The following NRXN1 variants were observed in gnomAD, a reference collection of about 807,000 sequenced individuals.
NRXN1 encodes neurexin 1.
A neutral mutation model predicts 150.9 loss-of-function variants in NRXN1; 39 were observed. The observed-to-expected ratio is 0.26, with a 90% CI of 0.20 to 0.34. The LOEUF (loss-of-function observed/expected upper bound fraction) is 0.34, where lower values mean the gene tolerates loss of function less well. Among genes scored for constraint, NRXN1 ranks in the 10% least tolerant of loss-of-function variants. The probability of loss-of-function intolerance (pLI) is 1.00; values close to 1 mark genes in which losing one functional copy is unlikely to be tolerated. For synonymous variants in NRXN1, 924 were observed against 757.0 expected, an observed-to-expected ratio of 1.22 and a Z score of -3.62; for missense variants, 1,815 against 1,949.9, an observed-to-expected ratio of 0.93 and a Z score of 1.30.
chr2:50,497,747 G>A, intron 13 of NRXN1, 33 bp from the exon 14 acceptor site: 1 of 1,551,286 alleles, frequency 6.4e-7, no homozygotes, highest in East Asian at 2.3e-5. Flanking sequence ...ATTATTTTCT[G>A]TATCTGAAAG....
rs533904901 is a variant in NRXN1, at chr2:50,420,145, T to C, written c.3364+45297A>G. Among the ~76,000 whole-genome samples the C allele has an allele frequency of 4.6e-5, 7 of 152,002 alleles. No homozygotes were observed. The South Asian group carries it at 1.5e-3, about 32-fold the overall frequency. On this transcript the variant is annotated intron_variant, in intron 17 of 22. Coordinates refer to ENST00000401669, the MANE Select transcript of NRXN1 (RefSeq NM_001330078.2). ...ATGGAACAGATTAAGAGAATTAACA[T>C]GGAGAGGAGAGCAGAGGTATAAAAG...
At chr2:50,214,766 T>C (rs867798207) in intron 18 of NRXN1, among the ~76,000 whole-genome samples, 11 of 152,034 alleles carry the variant, frequency 7.2e-5, no homozygotes, top group African/African-American at 2.7e-4. Flanking sequence ...ACTGCTTTCT[T>C]GTATGATTTT....
intron 5 of NRXN1, among the ~76,000 whole-genome samples, chr2:50,911,674 T>C (rs1307028636): frequency 8.6e-5 from 13 of 151,858 alleles, no homozygotes; most frequent in Admixed American, 5.9e-4. Flanking sequence ...GTTTAGCTTT[T>C]CCTTGTCTGG....
intron 2 of NRXN1, among the ~76,000 whole-genome samples, chr2:50,976,510 C>A (rs1695868038): frequency 6.6e-6 from 1 of 151,900 alleles, no homozygotes. Context: ...TGAAAAGGCA[C>A]ACAACTTAAA....
chr2:50,560,072 G>A (rs1668828677), intron 8 of NRXN1, among the ~76,000 whole-genome samples: 1 of 152,130 alleles, frequency 6.6e-6, no homozygotes, highest in Admixed American at 6.5e-5. Flanking sequence ...GCAGAATAAA[G>A]GCAAGGTGGT....
At chr2:50,171,204 G>C (rs934527058) in intron 18 of NRXN1, among the ~76,000 whole-genome samples, 3 of 150,632 alleles carry the variant, frequency 2.0e-5, no homozygotes, top group African/African-American at 7.3e-5. Context: ...AAGTGGACCT[G>C]TACAGTTCAA....
intron 21 of NRXN1, among the ~76,000 whole-genome samples, chr2:49,991,210 T>A (rs1409925032): frequency 3.9e-5 from 6 of 152,036 alleles, no homozygotes; most frequent in Admixed American, 6.6e-5. Context: ...TGTTTCAACA[T>A]CATATGGGAA....
chr2:50,501,828 C>G (rs2091965171), intron 13 of NRXN1, among the ~76,000 whole-genome samples: 1 of 152,142 alleles, frequency 6.6e-6, no homozygotes, highest in South Asian at 2.1e-4. Flanking sequence ...GAGGTGCAAA[C>G]ATTCCCAAGA....
chr2:50,805,214 T>C (rs1241379471), intron 5 of NRXN1, among the ~76,000 whole-genome samples: 1 of 151,832 alleles, frequency 6.6e-6, no homozygotes, highest in African/African-American at 2.4e-5. Flanking sequence ...CAAATTACCA[T>C]GAAAAAGTAA....
At chr2:50,627,520 T>C (rs999432722) in intron 5 of NRXN1, among the ~76,000 whole-genome samples, 2 of 151,390 alleles carry the variant, frequency 1.3e-5, no homozygotes, top group Non-Finnish European at 3.0e-5. Context: ...AAAAATGAAA[T>C]TGGATCTTTA....
chr2:50,194,272 T>G (rs1170088605), intron 18 of NRXN1, among the ~76,000 whole-genome samples: 1 of 152,160 alleles, frequency 6.6e-6, no homozygotes, highest in African/African-American at 2.4e-5. Context: ...ATCAACAGTT[T>G]AGCTTGAGAG....
chr2:50,529,943 T>C (rs1394597962), intron 11 of NRXN1, among the ~76,000 whole-genome samples: 2 of 152,184 alleles, frequency 1.3e-5, no homozygotes, highest in African/African-American at 4.8e-5. Context: ...ACCAATGGGA[T>C]AATTTTATAT....
intron 2 of NRXN1, among the ~76,000 whole-genome samples, chr2:50,955,258 A>T (rs911551445): frequency 6.6e-6 from 1 of 152,226 alleles, no homozygotes; most frequent in Admixed American, 6.5e-5. Context: ...ATAGTTCACA[A>T]AACTGTTAGT....
rs114447022 is a variant in NRXN1, at chr2:50,084,557, C to T, written c.3718+6766G>A. Among the ~76,000 whole-genome samples, 1,064 of 152,258 alleles carry T rather than the reference C, an allele frequency of 7.0e-3. 15 individuals are homozygous for T. The highest frequency in any genetic ancestry group is 0.024 in the African/African-American group (1,007 of 41,542). ...GGAACTCTAGGTGGCCTGCAAGCGC[C>T]GCACGCAGCCCCGGTTCCCGCCCGT... is the stretch of plus-strand genomic sequence containing the variant. On this transcript the variant is annotated intron_variant, in intron 19 of 22. Transcript: ENST00000401669.
intron 19 of NRXN1, among the ~76,000 whole-genome samples, chr2:50,058,566 A>G (rs1385111661): frequency 2.6e-5 from 4 of 152,144 alleles, no homozygotes; most frequent in Admixed American, 1.3e-4. Flanking sequence ...TTGTTCTCCT[A>G]TTAGAATAAA....
chr2:50,140,840 T>A (rs934215306), intron 18 of NRXN1, among the ~76,000 whole-genome samples: 4 of 152,126 alleles, frequency 2.6e-5, no homozygotes, highest in African/African-American at 7.2e-5. Flanking sequence ...CAATATCTGA[T>A]TGTGGTAAAC....
intron 2 of NRXN1, among the ~76,000 whole-genome samples, chr2:50,928,954 G>A (rs187114063): frequency 2.0e-5 from 3 of 151,962 alleles, no homozygotes; most frequent in Non-Finnish European, 4.4e-5. Context: ...AATGAATATA[G>A]AGCTGTGAAA....
chr2:50,090,382 T>C (rs911774073), intron 19 of NRXN1, among the ~76,000 whole-genome samples: 1 of 152,138 alleles, frequency 6.6e-6, no homozygotes, highest in African/African-American at 2.4e-5. Flanking sequence ...AATAGAAATG[T>C]ATTTTTATAC....
chr2:50,845,679 G>A (rs1456849762), intron 5 of NRXN1, among the ~76,000 whole-genome samples: 7 of 152,148 alleles, frequency 4.6e-5, no homozygotes, highest in Non-Finnish European at 8.8e-5. Context: ...CTCGATCTAT[G>A]TCAAGTGATA....
Sources: gnomAD v4.1 joint callset for allele counts (sites outside exome capture counted in the v4.1 genomes callset) on GRCh38, gnomAD v4.1.1 for gene constraint, MANE v1.5 for transcripts, NCBI Gene and HGNC (gene_info 2026-07-23, HGNC 2026-07-21) for gene names.